The following ACSF2 variants were observed in gnomAD, a reference collection of about 807,000 sequenced individuals.
ACSF2 encodes the protein medium-chain acyl-CoA ligase ACSF2, mitochondrial.
In ACSF2, 52 loss-of-function variants were observed where a neutral mutation model predicts 79.3. The observed-to-expected ratio is 0.66, with a 90% CI of 0.53 to 0.83. ACSF2 has a LOEUF of 0.83. Ranked by LOEUF, ACSF2 falls within the 40% of genes least tolerant of loss-of-function variation. The probability of loss-of-function intolerance (pLI) is 0.00; values close to 1 mark genes in which losing one functional copy is unlikely to be tolerated. For synonymous variants in ACSF2, 283 were observed against 312.6 expected (o/e 0.91, Z 1.00); for missense variants, 661 against 803.3 (o/e 0.82, Z 2.14).
intron 10 of ACSF2, among the ~76,000 whole-genome samples, chr17:50,466,551 G>T (rs1291059920): frequency 6.6e-6 from 1 of 152,162 alleles, no homozygotes; most frequent in Non-Finnish European, 1.5e-5. Flanking sequence ...GGCTGCCAGA[G>T]TTTGGCCCCA....
chr17:50,464,187 G>A, intron 9 of ACSF2, 31 bp from the exon 10 acceptor site: 1 of 1,609,264 alleles, frequency 6.2e-7, no homozygotes, highest in South Asian at 1.1e-5. Flanking sequence ...TGGAGAATTG[G>A]GGAGCTGTGT....
rs1374426890 is a variant in ACSF2, at chr17:50,462,507, AC to A, written c.715del (p.Arg239GlyfsTer49). On this transcript the variant is annotated frameshift_variant, in exon 6 of 16. Transcript: ENST00000300441. LOFTEE classifies it high-confidence loss of function. ...ATGAAGTGGTGGCGGCTGGCAGCAC[AC>A]GGCAGCATCTGGACCAGCTCCAATA... Reference protein sequence around the residue: ...LDEVVAAGSTRQHLDQLQYNQ... With the variant: ...LDEVVAAGSTXQHLDQLQYNQ... 5 of 1,613,666 alleles carry A rather than the reference AC, an allele frequency of 3.1e-6. No homozygotes were observed. The Admixed American group carries it at 8.3e-5, about 27-fold the overall frequency.
chr17:50,433,501 A>T (rs1598389043), intron 1 of ACSF2, among the ~76,000 whole-genome samples: 1 of 152,254 alleles, frequency 6.6e-6, no homozygotes, highest in Middle Eastern at 3.4e-3. Flanking sequence ...CTAGCCTTGT[A>T]TGTATTTTAG....
At position 50,461,690 on chromosome 17, in the gene ACSF2, C is replaced by T; in HGVS notation, c.507+4C>T. On this transcript the variant is annotated splice_donor_region_variant and intron_variant, in intron 4 of 15. Transcript: ENST00000300441. The stretch of plus-strand genomic sequence containing the variant: ...ACTGGAGTATGTCCTCAAGAAGGTA[C>T]AGCTCATTTGTCGGGGAGGGGCCCG... 3 of 1,614,068 alleles carry T rather than the reference C, an allele frequency of 1.9e-6. No individual in the cohort carries two copies. Among genetic ancestry groups the T allele is most frequent in the Non-Finnish European group, 1.7e-6 (2 of 1,179,978 alleles).
At chr17:50,465,249 A>G in intron 10 of ACSF2, 1 of 1,609,670 alleles carries the variant, frequency 6.2e-7, no homozygotes, top group Non-Finnish European at 8.5e-7. Flanking sequence ...CACTTGCTGG[A>G]ATCACCAAAG....
At chr17:50,467,656 T>C (rs2143767669) in intron 10 of ACSF2, among the ~76,000 whole-genome samples, 1 of 152,180 alleles carries the variant, frequency 6.6e-6, no homozygotes, top group South Asian at 2.1e-4. Flanking sequence ...AAACCTTCCT[T>C]TATGGGGTGG....
At chr17:50,468,809 A>G in intron 10 of ACSF2, 6 of 1,531,978 alleles carry the variant, frequency 3.9e-6, no homozygotes, top group Non-Finnish European at 5.2e-6. Flanking sequence ...CATTGGGCGG[A>G]CCATGGCTGG....
chr17:50,467,563 C>T (rs1041752021), intron 10 of ACSF2, among the ~76,000 whole-genome samples: 2 of 152,188 alleles, frequency 1.3e-5, no homozygotes, highest in African/African-American at 4.8e-5. Context: ...TCCCCCTTAG[C>T]ACACATGCAC....
chr17:50,465,761 AG>A (rs1455091521), intron 10 of ACSF2: 1 of 1,613,532 alleles, frequency 6.2e-7, no homozygotes, highest in Non-Finnish European at 8.5e-7. Context: ...GGTAAGGGCG[AG>A]GGTCTCCAGG....
In ACSF2 at chr17:50,474,418, T is replaced by G; in HGVS notation, c.1798-84T>G. The G allele has an allele frequency of 3.2e-6, 5 of 1,542,404 alleles. No individual in the cohort carries two copies. The highest frequency in any genetic ancestry group is 3.4e-5 in the Admixed American group (2 of 59,026). On this transcript the variant is annotated intron_variant, in intron 15 of 15. Coordinates refer to ENST00000300441, the MANE Select transcript of ACSF2 (RefSeq NM_025149.6). The surrounding 1 kb of genome is among the most constrained non-coding windows in gnomAD (Gnocchi z 4.2). Reference sequence around the variant, plus strand: ...TGGTTTGCCTGGGGACTTTCCCTGTTTTGGCACTAAGAGCCTGAGAAACCC... The same window carrying G: ...TGGTTTGCCTGGGGACTTTCCCTGTGTTGGCACTAAGAGCCTGAGAAACCC...
rs867928079 is a variant in ACSF2 at position 50,460,160 on chromosome 17, C to T, written c.129-517C>T. 8.8e-6 allele frequency: 4 copies of T among 455,808 alleles called. 1 individual carries two copies. In the Middle Eastern group the frequency reaches 1.5e-3, roughly 169 times the overall value. 28.2% of individuals were successfully genotyped at this position (455,808 alleles called of 1,614,324 possible). A position where few individuals can be genotyped will look rare whatever the true frequency, so the allele number is the denominator to read the frequency against. On this transcript the variant is annotated intron_variant, in intron 1 of 15. Coordinates refer to ENST00000300441, the MANE Select transcript of ACSF2 (RefSeq NM_025149.6). ...CTGCCTCTCTTAGGGCCTCCATCTG[C>T]CCTCTCCTTTATCCCTTTCCTATTC...
intron 1 of ACSF2, chr17:50,450,217 C>T (rs1428032017): frequency 6.4e-6 from 1 of 155,146 alleles, no homozygotes; most frequent in Non-Finnish European, 1.4e-5. Flanking sequence ...TCTTTGGCAT[C>T]AAGAAGTTGA....
intron 1 of ACSF2, among the ~76,000 whole-genome samples, chr17:50,435,294 A>G (rs1389334917): frequency 6.6e-6 from 1 of 152,166 alleles, no homozygotes; most frequent in East Asian, 1.9e-4. Context: ...AGAGTTCTGT[A>G]TGTATTCTAG....
chr17:50,461,322 T>C lies in ACSF2; in HGVS notation c.405T>C (p.Tyr135=), dbSNP rs140828204. ...TGGGCATGTGGGGACCTAACTCCTA[T>C]GCATGGGTGCTCATGCAGTTGGCCA... is the stretch of plus-strand genomic sequence containing the variant. ...DRLGMWGPNS[Y]AWVLMQLATA... Residue 135 remains tyrosine (Y), a synonymous_variant, in exon 3 of 16, where the codon TAT becomes TAC. Transcript: ENST00000300441. 2.7e-5 allele frequency: 44 copies of C among 1,614,124 alleles called. No individual in the cohort carries two copies. The highest frequency in any genetic ancestry group is 5.3e-5 in the African/African-American group (4 of 75,050).
In ACSF2 at chr17:50,463,407, T is replaced by C; in HGVS notation, c.901T>C (p.Leu301=). ...LKLHEKTPEQ[L]RMILPNPLYH... is the part of the protein sequence containing the mutation. ...TCTCCATCACCAGACACCAGAGCAG[T>C]TGCGGATGATCCTGCCCAACCCCCT... Residue 301 remains leucine, a synonymous_variant, in exon 8 of 16, where the codon TTG becomes CTG. Transcript: ENST00000300441. The surrounding 1 kb of genome is among the most constrained non-coding windows in gnomAD (Gnocchi z 4.6). The C allele has an allele frequency of 6.2e-7, 1 of 1,613,920 alleles. No individual in the cohort carries two copies. The highest frequency in any genetic ancestry group is 8.5e-7 in the Non-Finnish European group (1 of 1,179,940).
intron 1 of ACSF2, among the ~76,000 whole-genome samples, chr17:50,456,174 C>T (rs1288601448): frequency 6.6e-6 from 1 of 152,292 alleles, no homozygotes. Flanking sequence ...ACGCCCCAAC[C>T]CCAGTAATCA....
At chr17:50,443,130 G>C (rs8065039) in intron 1 of ACSF2, among the ~76,000 whole-genome samples, 2 of 151,920 alleles carry the variant, frequency 1.3e-5, no homozygotes, top group Admixed American at 6.6e-5. Flanking sequence ...GGATGGTCTC[G>C]ATCTCCTGAC....
chr17:50,453,472 T>A (rs1391764509), intron 1 of ACSF2, among the ~76,000 whole-genome samples: 1 of 152,028 alleles, frequency 6.6e-6, no homozygotes, highest in Non-Finnish European at 1.5e-5. Flanking sequence ...CCTCCCAAAA[T>A]GTTGGGGTTA....
chr17:50,454,733 T>A (rs151281522), intron 1 of ACSF2, among the ~76,000 whole-genome samples: 1 of 152,276 alleles, frequency 6.6e-6, no homozygotes, highest in Non-Finnish European at 1.5e-5. Flanking sequence ...CGTGGCCAGC[T>A]AGATGTCTGA....
Sources: gnomAD v4.1 joint callset for allele counts (sites outside exome capture counted in the v4.1 genomes callset) on GRCh38, gnomAD v4.1.1 for gene constraint, Gnocchi (gnomAD v3.1) non-coding constraint, MANE v1.5 for transcripts, NCBI Gene and HGNC (gene_info 2026-07-23, HGNC 2026-07-21) for gene names.